The following CDH13 variants were observed in gnomAD, a reference collection of about 807,000 sequenced individuals.
CDH13 encodes the protein cadherin-13.
CDH13 carries 24 observed loss-of-function variants against 63.8 expected under a neutral mutation model. That is an observed-to-expected ratio of 0.38 (90% CI 0.27 to 0.53). CDH13 has a LOEUF of 0.53. CDH13 is among the 20% of genes least tolerant of loss of function. The pLI is 0.85. For synonymous variants in CDH13, 503 were observed against 355.3 expected (o/e 1.42, Z -4.67); for missense variants, 1,049 against 903.1 (o/e 1.16, Z -2.07).
chr16:82,984,878 T>C (rs773710065), intron 2 of CDH13, among the ~76,000 whole-genome samples: 7 of 152,220 alleles, frequency 4.6e-5, no homozygotes, highest in Admixed American at 2.6e-4. Flanking sequence ...GCTAATGTTA[T>C]AATCACTGCT....
chr16:83,027,102 A>ACCCCCCCCC (rs79185242), intron 2 of CDH13, among the ~76,000 whole-genome samples: 9 of 100,900 alleles, frequency 8.9e-5, no homozygotes, highest in Non-Finnish European at 1.4e-4. Context: ...CAGAAGGGAG[A>ACCCCCCCCC]CCCCCCCCCC....
rs188984183 is a variant in CDH13 at position 83,143,388 on chromosome 16, A to G, written c.483+17887A>G. On this transcript the variant is annotated intron_variant, in intron 4 of 13. Coordinates refer to ENST00000567109, the MANE Select transcript of CDH13 (RefSeq NM_001257.5). ...ATGAATATGTATTCATATACATACT[A>G]TAAAACTCATTATGTAACATATTAC... 1.4e-4 allele frequency among the ~76,000 whole-genome samples: 22 copies of G among 152,346 alleles called. No individual in the cohort carries two copies. The East Asian group carries it at 3.3e-3, about 23-fold the overall frequency.
At chr16:82,661,438 T>C (rs1052373709) in intron 1 of CDH13, among the ~76,000 whole-genome samples, 3 of 152,246 alleles carry the variant, frequency 2.0e-5, no homozygotes, top group Non-Finnish European at 4.4e-5. Context: ...GAGATGTTAT[T>C]GTGAGTGCTG....
chr16:83,118,673 A>C (rs962426585), intron 3 of CDH13, among the ~76,000 whole-genome samples: 4 of 152,102 alleles, frequency 2.6e-5, no homozygotes, highest in Non-Finnish European at 4.4e-5. Context: ...TAGAGAGTGC[A>C]GACCACTTTC....
chr16:83,310,328 T>A (rs2089972063), intron 5 of CDH13, among the ~76,000 whole-genome samples: 2 of 152,222 alleles, frequency 1.3e-5, no homozygotes, highest in Non-Finnish European at 2.9e-5. Flanking sequence ...GGTAAATTAG[T>A]TTCTGTGATT....
chr16:83,545,925 T>A (rs1488313930), intron 7 of CDH13, among the ~76,000 whole-genome samples: 4 of 152,196 alleles, frequency 2.6e-5, no homozygotes, highest in Admixed American at 6.5e-5. Context: ...TACCAGGAGC[T>A]GTTCTAAGCA....
At chr16:83,186,412 C>T (rs1317716410) in intron 4 of CDH13, among the ~76,000 whole-genome samples, 2 of 152,160 alleles carry the variant, frequency 1.3e-5, no homozygotes, top group African/African-American at 4.8e-5. Context: ...GCTGGGATTA[C>T]AGGCCTGAGC....
intron 2 of CDH13, among the ~76,000 whole-genome samples, chr16:82,918,054 G>A (rs916439355): frequency 3.3e-5 from 5 of 152,128 alleles, no homozygotes; most frequent in African/African-American, 4.8e-5. Context: ...CACAAAAAGA[G>A]GTTTGTTTTG....
chr16:82,771,500 A>G lies in CDH13; in HGVS notation c.46-86862A>G, dbSNP rs1193503067. ...TGCCGTCAGCATTACAGCTCGCTTC[A>G]CCACACCTGTGCACTCAACGACTCT... On this transcript the variant is annotated intron_variant, in intron 1 of 13. Transcript: ENST00000567109. 2.0e-5 allele frequency among the ~76,000 whole-genome samples: 3 copies of G among 152,326 alleles called. No homozygotes were observed. In the South Asian group the frequency reaches 6.2e-4, roughly 32 times the overall value.
intron 4 of CDH13, among the ~76,000 whole-genome samples, chr16:83,141,878 G>A (rs1460828688): frequency 2.0e-5 from 3 of 152,120 alleles, no homozygotes; most frequent in South Asian, 2.1e-4. Flanking sequence ...AGTATTCCAT[G>A]TGCATATGTG....
intron 2 of CDH13, among the ~76,000 whole-genome samples, chr16:83,002,193 A>C (rs1278028676): frequency 3.3e-5 from 5 of 152,192 alleles, no homozygotes; most frequent in Non-Finnish European, 7.3e-5. Context: ...TGTAGTTAAG[A>C]ATCTGATAAT....
chr16:82,759,562 A>T (rs1033754682), intron 1 of CDH13, among the ~76,000 whole-genome samples: 2 of 150,278 alleles, frequency 1.3e-5, no homozygotes, highest in African/African-American at 2.4e-5. Flanking sequence ...TATAACATGA[A>T]TATAATATAC....
At chr16:83,134,763 C>T (rs1355271155) in intron 4 of CDH13, among the ~76,000 whole-genome samples, 1 of 152,130 alleles carries the variant, frequency 6.6e-6, no homozygotes, top group Non-Finnish European at 1.5e-5. Context: ...GCAAGTGTTG[C>T]CCTCCTGCAA....
At chr16:83,550,124 G>A in intron 7 of CDH13, among the ~76,000 whole-genome samples, 1 of 152,210 alleles carries the variant, frequency 6.6e-6, no homozygotes, top group East Asian at 1.9e-4. Flanking sequence ...TTAGACTGCA[G>A]GATGCACTTT....
intron 4 of CDH13, among the ~76,000 whole-genome samples, chr16:83,210,985 T>C (rs2039322600): frequency 6.6e-6 from 1 of 151,546 alleles, no homozygotes; most frequent in African/African-American, 2.4e-5. Context: ...CTGTCTCTAC[T>C]AAAAATACAA....
chr16:83,336,653 C>T (rs2090604522), intron 5 of CDH13, among the ~76,000 whole-genome samples: 1 of 152,114 alleles, frequency 6.6e-6, no homozygotes, highest in Non-Finnish European at 1.5e-5. Flanking sequence ...CAAAAAAGCT[C>T]TGTGTGTGTC....
intron 7 of CDH13, among the ~76,000 whole-genome samples, chr16:83,595,968 T>G (rs895542792): frequency 2.4e-4 from 37 of 152,358 alleles, no homozygotes; most frequent in African/African-American, 8.4e-4. Flanking sequence ...CTCCAGTCCT[T>G]GGCAGCCAAG....
At chr16:82,933,015 AT>A (rs550117233) in intron 2 of CDH13, among the ~76,000 whole-genome samples, 3 of 152,140 alleles carry the variant, frequency 2.0e-5, no homozygotes, top group South Asian at 4.2e-4. Flanking sequence ...CCAATTTCAT[AT>A]TTTTTTATAT....
At chr16:82,979,626 T>C (rs1206360815) in intron 2 of CDH13, among the ~76,000 whole-genome samples, 1 of 152,226 alleles carries the variant, frequency 6.6e-6, no homozygotes, top group African/African-American at 2.4e-5. Flanking sequence ...ATGATCATAG[T>C]TTCCTGAGGC....
Sources: allele counts gnomAD v4.1 joint callset (sites outside exome capture counted in the v4.1 genomes callset), GRCh38; gene constraint gnomAD v4.1.1; transcripts MANE v1.5; gene names NCBI Gene and HGNC (gene_info 2026-07-23, HGNC 2026-07-21).